The following DDHD2 variants were observed in gnomAD, a reference collection of about 807,000 sequenced individuals.
DDHD2 encodes triacylglycerol hydrolase DDHD2.
A neutral mutation model predicts 91.2 loss-of-function variants in DDHD2; 62 were observed. The observed-to-expected ratio is 0.68, with a 90% CI of 0.55 to 0.84. The LOEUF (loss-of-function observed/expected upper bound fraction) is 0.84. Among genes scored for constraint, DDHD2 ranks in the 40% least tolerant of loss-of-function variants. The pLI, the probability that DDHD2 is intolerant of heterozygous loss-of-function variation, is 0.00. For missense variants in DDHD2, 740 were observed against 846.9 expected (o/e 0.87, Z 1.57); for synonymous variants, 271 against 293.9 (o/e 0.92, Z 0.80).
At position 38,260,128 on chromosome 8, in the gene DDHD2, C is replaced by T; in HGVS notation, c.*7C>T. ...TGATCAGCCTTTACAGTAAAAATGA[C>T]CCATCTATGGCTGCTTAATGTAAGT... On this transcript the variant is annotated 3_prime_UTR_variant, in exon 17 of 18. Transcript: ENST00000397166. The T allele has an allele frequency of 6.3e-7, 1 of 1,592,166 alleles. No individual in the cohort carries two copies. Among genetic ancestry groups the T allele is most frequent in the African/African-American group, 1.3e-5 (1 of 74,562 alleles).
intron 5 of DDHD2, 76 bp from the exon 6 acceptor site, chr8:38,240,198 TA>T (rs1805143928): frequency 1.2e-6 from 1 of 809,130 alleles, no homozygotes; most frequent in East Asian, 2.8e-5. Flanking sequence ...CTCATATTTA[TA>T]ACCTTTTCAT....
At position 38,261,470 on chromosome 8, in the gene DDHD2, A is replaced by G. The variant is rs1807022252; in HGVS notation, c.*897A>G. The G allele has an allele frequency of 6.6e-6, 1 of 152,150 alleles. No individual in the cohort carries two copies. Among genetic ancestry groups the G allele is most frequent in the South Asian group, 2.1e-4 (1 of 4,830 alleles). The allele number at this position is 152,150 out of a possible 1,614,324, so 9.4% of individuals were successfully genotyped here. The stretch of plus-strand genomic sequence containing the variant: ...CCTTTTAGTGGTGCCTTTATGGTGA[A>G]ACAGAATTTGTCACCTGCCATTTCT... On this transcript the variant is annotated 3_prime_UTR_variant, in exon 18 of 18. Transcript: ENST00000397166.
chr8:38,263,972 C>T (rs1447329201), downstream of DDHD2: 9 of 985,432 alleles, frequency 9.1e-6, no homozygotes, highest in Non-Finnish European at 1.1e-5. Flanking sequence ...GGAAAAGAAC[C>T]GTAACTCCTC....
At position 38,262,076 on chromosome 8, in the gene DDHD2, G is replaced by A. The variant is rs992706476; in HGVS notation, c.*1503G>A. On this transcript the variant is annotated 3_prime_UTR_variant, in exon 18 of 18. Transcript: ENST00000397166. ...TCACCATGGAGATTGTAGAGGTAAG[G>A]TTGGGGTATAGGTCAGGCCTGGCCT... The A allele has an allele frequency of 6.6e-6, 1 of 152,174 alleles. No individual in the cohort carries two copies. The allele number at this position is 152,174 out of a possible 1,614,324, so 9.4% of individuals were successfully genotyped here.
At chr8:38,267,190 C>T (rs1268897630), downstream of DDHD2, 1 of 1,611,192 alleles carries the variant, frequency 6.2e-7, no homozygotes, top group South Asian at 1.1e-5. Flanking sequence ...TCAGATTTTC[C>T]CATCCCTACT....
Position 38,258,255 on chromosome 8 carries a change from CT to C in DDHD2, c.2055-1771del, listed in dbSNP as rs111961835. Among the ~76,000 whole-genome samples the C allele has an allele frequency of 3.6e-3, 505 of 142,138 alleles. 3 individuals are homozygous for C. The highest frequency in any genetic ancestry group is 5.4e-3 in the African/African-American group (210 of 39,052). 93.2% of individuals were successfully genotyped at this position (142,138 alleles called of 152,430 possible). On this transcript the variant is annotated intron_variant, in intron 16 of 17. Coordinates refer to ENST00000397166, the MANE Select transcript of DDHD2 (RefSeq NM_015214.3). Reference sequence around the variant, plus strand: ...GATTCTAAATTAAATTAATTAAATTCTTTTTTTTTTTTTTGAGACAGAGTCT... The same window carrying C: ...GATTCTAAATTAAATTAATTAAATTCTTTTTTTTTTTTTGAGACAGAGTCT...
At chr8:38,251,754 T>C (rs2130846411) in intron 11 of DDHD2, 158 bp from the exon 12 acceptor site, 1 of 507,300 alleles carries the variant, frequency 2.0e-6, no homozygotes, top group East Asian at 3.3e-5. Flanking sequence ...CTCCCCATAC[T>C]TTTTTTTTAA....
chr8:38,233,927 C>T lies in DDHD2; in HGVS notation c.221-467C>T, dbSNP rs534433799. On this transcript the variant is annotated intron_variant, in intron 2 of 17. Coordinates refer to ENST00000397166, the MANE Select transcript of DDHD2 (RefSeq NM_015214.3). ...CTGGGTGATAGAGTGAGACTTGTCT[C>T]AAAAAAAAAAAAAGAAAAGAAAAGA... Among the ~76,000 whole-genome samples, 293 of 121,648 alleles carry T rather than the reference C, an allele frequency of 2.4e-3. 3 individuals carry two copies. Among genetic ancestry groups the T allele is most frequent in the South Asian group, 0.014 (52 of 3,744 alleles). 79.8% of individuals were successfully genotyped at this position (121,648 alleles called of 152,430 possible).
downstream of DDHD2, chr8:38,267,462 T>C: frequency 6.4e-7 from 1 of 1,569,108 alleles, no homozygotes; most frequent in Non-Finnish European, 8.7e-7. Context: ...GTAGCAGACA[T>C]TAATAATCCT....
intron 5 of DDHD2, among the ~76,000 whole-genome samples, 191 bp from the exon 6 acceptor site, chr8:38,240,084 T>C (rs1423018857): frequency 6.6e-6 from 1 of 152,124 alleles, no homozygotes. Flanking sequence ...TTTTACAGAC[T>C]TATTTCAAGA....
intron 3 of DDHD2, among the ~76,000 whole-genome samples, chr8:38,235,617 A>T (rs1804656879): frequency 6.6e-6 from 1 of 150,600 alleles, no homozygotes; most frequent in African/African-American, 2.4e-5. Context: ...GCTACTTGGG[A>T]GGCTGAGGCA....
At chr8:38,247,075 A>G (rs371565772) in intron 9 of DDHD2, 1 of 151,966 alleles carries the variant, frequency 6.6e-6, no homozygotes, top group African/African-American at 2.4e-5. Context: ...GAGTTCCTCC[A>G]GAGCAGAGCT....
intron 1 of DDHD2, chr8:38,269,106 C>G: frequency 6.6e-7 from 1 of 1,525,156 alleles, no homozygotes. Context: ...CGCCCGGGCC[C>G]GGCCGTGGAT....
At chr8:38,246,083 G>A in intron 8 of DDHD2, 133 bp downstream of exon 8, 1 of 1,118,816 alleles carries the variant, frequency 8.9e-7, no homozygotes, top group East Asian at 2.4e-5. Context: ...AATTTGGAAG[G>A]GGTTGGAAGG....
chr8:38,232,802 C>A (rs1212527752), intron 1 of DDHD2, among the ~76,000 whole-genome samples, 185 bp from the exon 2 acceptor site: 2 of 152,180 alleles, frequency 1.3e-5, no homozygotes, highest in African/African-American at 2.4e-5. Flanking sequence ...CTAATAGAAG[C>A]ATTTTATTTA....
downstream of DDHD2, chr8:38,264,824 A>G: frequency 6.4e-7 from 1 of 1,568,086 alleles, no homozygotes; most frequent in African/African-American, 1.4e-5. Context: ...CCAAATCAAA[A>G]CACATCTTAA....
chr8:38,269,344 C>T lies in DDHD2; in HGVS notation n.88-1778C>T, dbSNP rs997471907. 5 of 832,278 alleles carry T rather than the reference C, an allele frequency of 6.0e-6. No homozygotes were observed. In the African/African-American group the frequency reaches 7.3e-5, roughly 12 times the overall value. The allele number at this position is 832,278 out of a possible 1,614,324, so 51.6% of individuals were successfully genotyped here. A position where few individuals can be genotyped will look rare whatever the true frequency, so the allele number is the denominator to read the frequency against. On this transcript the variant is annotated intron_variant and non_coding_transcript_variant, in intron 1 of 1. Coordinates refer to the DDHD2 transcript ENST00000526071. ...GACGGCCTGGCGGCTGTGCCGAGGG[C>T]ATCGTCTGGCAAAGGGTACGCAAAG...
At chr8:38,252,410 T>C (rs981497089) in intron 13 of DDHD2, 123 bp downstream of exon 13, 22 of 1,098,164 alleles carry the variant, frequency 2.0e-5, no homozygotes, top group Admixed American at 1.2e-4. Context: ...AGACAACTTA[T>C]AATAGTATTG....
At chr8:38,263,438 C>T, downstream of DDHD2, 2 of 985,386 alleles carry the variant, frequency 2.0e-6, no homozygotes, top group Non-Finnish European at 2.4e-6. Context: ...AAGAAGCTCA[C>T]AAGTACAGTT....
Sources: allele counts gnomAD v4.1 joint callset (sites outside exome capture counted in the v4.1 genomes callset), GRCh38; gene constraint gnomAD v4.1.1; transcripts MANE v1.5; gene names NCBI Gene and HGNC (gene_info 2026-07-23, HGNC 2026-07-21).